Variants in GABRA4 observed in about 807,000 individuals in gnomAD.
The protein encoded by GABRA4 is gamma-aminobutyric acid receptor subunit alpha-4.
Under a neutral mutation model 49.7 loss-of-function variants are expected in GABRA4, and 12 were observed. The ratio of observed to expected loss-of-function variants is 0.24; its 90% CI spans 0.15 to 0.39. The LOEUF (loss-of-function observed/expected upper bound fraction) is 0.39. GABRA4 is among the 10% of genes least tolerant of loss of function. The pLI is 1.00. For synonymous variants in GABRA4, 288 were observed against 240.2 expected (o/e 1.20, Z -1.84); for missense variants, 506 against 686.0 (o/e 0.74, Z 2.93).
chr4:46,992,292 G>A (rs1723782343), intron 2 of GABRA4, among the ~76,000 whole-genome samples: 2 of 152,122 alleles, frequency 1.3e-5, no homozygotes, highest in Non-Finnish European at 1.5e-5. Flanking sequence ...AAAAGAAAGG[G>A]AAAAAAGAAA....
At chr4:46,969,991 C>T (rs978265560) in intron 7 of GABRA4, among the ~76,000 whole-genome samples, 3 of 151,226 alleles carry the variant, frequency 2.0e-5, no homozygotes, top group African/African-American at 7.3e-5. Flanking sequence ...AGTATACTTC[C>T]AGTACTTTTT....
Position 46,928,526 on chromosome 4 carries a change from G to A in GABRA4, c.1364C>T (p.Ser455Phe). The A allele has an allele frequency of 6.2e-7, 1 of 1,613,688 alleles. No individual in the cohort carries two copies. Among genetic ancestry groups the A allele is most frequent in the African/African-American group, 1.3e-5 (1 of 75,016 alleles). Residue 455 changes from serine (S) to phenylalanine (F), a missense_variant, in exon 9 of 9, where the codon TCT becomes TTT. Ser to Phe is a radical substitution (Grantham distance 155, BLOSUM62 -2). Transcript: ENST00000264318. ...ISAARALPSA[S>F]PTSIRTGYMP... Reference sequence around the variant, plus strand: ...ATATCCAGTTCGGATAGAAGTAGGAGAAGCAGATGGAAGTGCTCTTGCTGC... The same window carrying A: ...ATATCCAGTTCGGATAGAAGTAGGAAAAGCAGATGGAAGTGCTCTTGCTGC...
chr4:46,965,913 A>G (rs1722736213), intron 7 of GABRA4, among the ~76,000 whole-genome samples: 1 of 151,822 alleles, frequency 6.6e-6, no homozygotes, highest in African/African-American at 2.4e-5. Context: ...GGCATTATAA[A>G]TATTGGACCT....
At chr4:46,947,764 G>T (rs1194763262) in intron 8 of GABRA4, among the ~76,000 whole-genome samples, 1 of 152,060 alleles carries the variant, frequency 6.6e-6, no homozygotes, top group Admixed American at 6.6e-5. Context: ...TGACTTAAAA[G>T]CATGTGTTTC....
chr4:46,950,565 G>A (rs1310081205), intron 8 of GABRA4, among the ~76,000 whole-genome samples: 1 of 151,624 alleles, frequency 6.6e-6, no homozygotes, highest in Admixed American at 6.6e-5. Flanking sequence ...ATTTTCTAAT[G>A]GCTCAACCTA....
intron 8 of GABRA4, among the ~76,000 whole-genome samples, chr4:46,943,564 G>A (rs1721886912): frequency 6.6e-6 from 1 of 152,020 alleles, no homozygotes; most frequent in Admixed American, 6.6e-5. Flanking sequence ...ACAATTATAT[G>A]GCATAGCATT....
rs779696522 is a variant in GABRA4 at position 46,993,364 on chromosome 4, G to T, written c.61C>A (p.Leu21Met). The T allele has an allele frequency of 3.7e-6, 6 of 1,614,100 alleles. No individual in the cohort carries two copies. Among genetic ancestry groups the T allele is most frequent in the Non-Finnish European group, 8.5e-7 (1 of 1,180,038 alleles). Reference sequence around the variant, plus strand: ...CAAACCGCCAGGCACAGGAAGCGCAGGAGGGCGAAACTGACCCCGGCGGAC... The same window carrying T: ...CAAACCGCCAGGCACAGGAAGCGCATGAGGGCGAAACTGACCCCGGCGGAC... ...ALSAGVSFAL[L>M]RFLCLAVCLN... Residue 21 changes from leucine (L) to methionine (M), a missense_variant, in exon 1 of 9, where the codon CTG becomes ATG. Physicochemically the swap from Leu to Met is conservative, Grantham distance 15 (BLOSUM62 2). This residue lies in a region of GABRA4 where 195 missense variants were observed against 326.0 expected (regional missense o/e 0.60). Transcript: ENST00000264318.
intron 8 of GABRA4, among the ~76,000 whole-genome samples, chr4:46,948,295 A>G (rs2109355070): frequency 6.6e-6 from 1 of 152,202 alleles, no homozygotes; most frequent in African/African-American, 2.4e-5. Flanking sequence ...ATCCTTTGGA[A>G]ACCTATTAAA....
Position 46,925,504 on chromosome 4 carries a change from C to G in GABRA4, c.*2721G>C, listed in dbSNP as rs1238771006. The G allele has an allele frequency of 1.3e-5, 2 of 151,548 alleles. No homozygotes were observed. Among genetic ancestry groups the G allele is most frequent in the Admixed American group, 1.3e-4 (2 of 15,168 alleles). The allele number at this position is 151,548 out of a possible 1,614,324, so 9.4% of individuals were successfully genotyped here. A position where few individuals can be genotyped will look rare whatever the true frequency, so the allele number is the denominator to read the frequency against. ...AGTTATATAAAGGTACCATTCTCAG[C>G]CAAAATTATTCATTATTATTCATAG... On this transcript the variant is annotated 3_prime_UTR_variant, in exon 9 of 9. Coordinates refer to ENST00000264318, the MANE Select transcript of GABRA4 (RefSeq NM_000809.4).
intron 8 of GABRA4, among the ~76,000 whole-genome samples, chr4:46,943,122 G>A (rs763598445): frequency 1.1e-4 from 17 of 152,118 alleles, no homozygotes; most frequent in Non-Finnish European, 2.5e-4. Context: ...TACCCTTATG[G>A]AACTTACATT....
At chr4:46,992,350 G>A (rs567538533) in intron 2 of GABRA4, among the ~76,000 whole-genome samples, 3 of 152,344 alleles carry the variant, frequency 2.0e-5, no homozygotes, top group East Asian at 3.9e-4. Flanking sequence ...TTCTCTAGCA[G>A]AGCAGGCAGC....
At chr4:46,970,684 T>C (rs984030511) in intron 7 of GABRA4, among the ~76,000 whole-genome samples, 5 of 150,204 alleles carry the variant, frequency 3.3e-5, no homozygotes, top group African/African-American at 1.2e-4. Flanking sequence ...ATTCTAAGGC[T>C]TTCATATTCA....
intron 2 of GABRA4, among the ~76,000 whole-genome samples, chr4:46,979,962 G>C (rs200852585): frequency 6.6e-6 from 1 of 152,070 alleles, no homozygotes; most frequent in East Asian, 1.9e-4. Context: ...TTAGACAAGG[G>C]AACACAATCT....
intron 8 of GABRA4, among the ~76,000 whole-genome samples, chr4:46,961,553 G>A (rs533563095): frequency 3.3e-5 from 5 of 151,004 alleles, no homozygotes; most frequent in South Asian, 4.2e-4. Flanking sequence ...ACAGGAAATC[G>A]GGCACAAAGT....
chr4:46,980,314 T>G (rs760403488), intron 2 of GABRA4, among the ~76,000 whole-genome samples: 3 of 151,040 alleles, frequency 2.0e-5, no homozygotes, highest in Non-Finnish European at 4.4e-5. Flanking sequence ...GAATGACATC[T>G]GCTATGAAGA....
rs1290922610 is a variant in GABRA4, at chr4:46,973,127, G to GA, written c.721+1104dup. Among the ~76,000 whole-genome samples the GA allele has an allele frequency of 7.9e-5, 12 of 151,754 alleles. 1 individual carries two copies. The highest frequency in any genetic ancestry group is 6.8e-3 in the Middle Eastern group (2 of 294). On this transcript the variant is annotated intron_variant, in intron 6 of 8. Coordinates refer to ENST00000264318, the MANE Select transcript of GABRA4 (RefSeq NM_000809.4). Reference sequence around the variant, plus strand: ...TATCCACTTCATGGGATGGTTATGAGAAAAAAATACATGGAAATAATTTAG... The same window carrying GA: ...TATCCACTTCATGGGATGGTTATGAGAAAAAAAATACATGGAAATAATTTAG...
At chr4:46,961,573 T>A (rs969880477) in intron 8 of GABRA4, among the ~76,000 whole-genome samples, 1 of 152,004 alleles carries the variant, frequency 6.6e-6, no homozygotes, top group Non-Finnish European at 1.5e-5. Context: ...TTGGCACAAA[T>A]GTATATTTGT....
intron 8 of GABRA4, among the ~76,000 whole-genome samples, chr4:46,951,913 T>C (rs1238756951): frequency 6.6e-6 from 1 of 151,974 alleles, no homozygotes; most frequent in Non-Finnish European, 1.5e-5. Context: ...AGTGCCCACA[T>C]GACTACTGCT....
intron 8 of GABRA4, among the ~76,000 whole-genome samples, chr4:46,934,089 A>G (rs1345266673): frequency 6.6e-6 from 1 of 152,242 alleles, no homozygotes; most frequent in Non-Finnish European, 1.5e-5. Flanking sequence ...GAATGCACAC[A>G]GCTACATTCA....
Sources: gnomAD v4.1 joint callset for allele counts (sites outside exome capture counted in the v4.1 genomes callset) on GRCh38, gnomAD v4.1.1 for gene constraint, gnomAD v4.1.1 regional missense constraint, MANE v1.5 for transcripts, NCBI Gene and HGNC (gene_info 2026-07-23, HGNC 2026-07-21) for gene names.